The following ANKS1B variants were observed in gnomAD, a reference collection of about 807,000 sequenced individuals.
The protein encoded by ANKS1B is ankyrin repeat and sterile alpha motif domain-containing protein 1B.
ANKS1B carries 36 observed loss-of-function variants against 148.3 expected under a neutral mutation model. The observed-to-expected ratio is 0.24, with a 90% CI of 0.19 to 0.32. The LOEUF is 0.32. Among genes scored for constraint, ANKS1B ranks in the 10% least tolerant of loss-of-function variants. ANKS1B has a pLI of 1.00. For missense variants in ANKS1B, 1,157 were observed against 1,542.6 expected, an observed-to-expected ratio of 0.75 and a Z score of 4.19; for synonymous variants, 542 against 560.8, an observed-to-expected ratio of 0.97 and a Z score of 0.47.
intron 8 of ANKS1B, among the ~76,000 whole-genome samples, chr12:99,694,364 G>A (rs961203296): frequency 3.3e-5 from 5 of 151,288 alleles, no homozygotes; most frequent in East Asian, 2.0e-4. Flanking sequence ...GCTTGAACCC[G>A]GGAGGTGGAG....
intron 4 of ANKS1B, among the ~76,000 whole-genome samples, chr12:99,784,139 T>C (rs189784567): frequency 1.5e-4 from 23 of 150,976 alleles, no homozygotes; most frequent in African/African-American, 5.3e-4. Context: ...CCAAACCTCA[T>C]ACCCTATGCT....
chr12:99,922,829 T>C (rs1322282297), intron 1 of ANKS1B, among the ~76,000 whole-genome samples: 6 of 151,878 alleles, frequency 4.0e-5, no homozygotes. Flanking sequence ...ATAAAAAGAA[T>C]AAGTTCAGCC....
At chr12:99,516,002 A>G (rs1388072521) in intron 9 of ANKS1B, among the ~76,000 whole-genome samples, 1 of 151,994 alleles carries the variant, frequency 6.6e-6, no homozygotes, top group Non-Finnish European at 1.5e-5. Flanking sequence ...CCATTTTCTA[A>G]GTGGGTTATT....
intron 1 of ANKS1B, among the ~76,000 whole-genome samples, chr12:99,927,973 T>C (rs2094514755): frequency 6.6e-6 from 1 of 152,138 alleles, no homozygotes; most frequent in East Asian, 1.9e-4. Flanking sequence ...TTACCAAATA[T>C]CTTCTTGGCA....
At chr12:98,972,187 T>C (rs2099883723) in intron 17 of ANKS1B, among the ~76,000 whole-genome samples, 1 of 152,054 alleles carries the variant, frequency 6.6e-6, no homozygotes, top group African/African-American at 2.4e-5. Flanking sequence ...AACAAAAAAT[T>C]TCACAGTCGT....
intron 12 of ANKS1B, among the ~76,000 whole-genome samples, chr12:99,320,502 C>A (rs886397413): frequency 1.3e-5 from 2 of 152,172 alleles, no homozygotes; most frequent in African/African-American, 4.8e-5. Flanking sequence ...GAAGCTTGTG[C>A]ATGCATCATG....
At chr12:98,855,889 T>A (rs905665470) in intron 17 of ANKS1B, among the ~76,000 whole-genome samples, 2 of 152,222 alleles carry the variant, frequency 1.3e-5, no homozygotes, top group African/African-American at 2.4e-5. Flanking sequence ...TTGTTTGGGA[T>A]CCTTAACTAC....
intron 8 of ANKS1B, among the ~76,000 whole-genome samples, chr12:99,771,152 T>C (rs552975358): frequency 3.3e-5 from 5 of 152,258 alleles, no homozygotes; most frequent in Non-Finnish European, 7.4e-5. Context: ...GCATATAAGA[T>C]ATTCATTGGG....
At chr12:99,193,867 T>A (rs1287076343) in intron 14 of ANKS1B, among the ~76,000 whole-genome samples, 1 of 139,866 alleles carries the variant, frequency 7.1e-6, no homozygotes, top group Non-Finnish European at 1.5e-5. Flanking sequence ...AGTGGTGCGA[T>A]CTTGGTTCAC....
rs570515516 is a variant in ANKS1B at position 98,833,072 on chromosome 12, G to A, written c.2779-936C>T. Among the ~76,000 whole-genome samples the A allele has an allele frequency of 5.6e-4, 86 of 152,264 alleles. 3 individuals are homozygous for A. The South Asian group carries it at 0.017, about 30-fold the overall frequency. ...AGGATGGTATTTTGAATCTGACCAT[G>A]CTGCAAAGGGCACATGGTAGAAGAG... On this transcript the variant is annotated intron_variant, in intron 17 of 26. Transcript: ENST00000683438.
intron 17 of ANKS1B, among the ~76,000 whole-genome samples, chr12:98,975,798 G>C (rs2099894381): frequency 6.6e-6 from 1 of 152,108 alleles, no homozygotes; most frequent in Admixed American, 6.6e-5. Flanking sequence ...GAGAGAGAGA[G>C]AGAGTTGGGT....
chr12:99,339,937 A>C (rs1054793028), intron 12 of ANKS1B, among the ~76,000 whole-genome samples: 1 of 152,096 alleles, frequency 6.6e-6, no homozygotes, highest in African/African-American at 2.4e-5. Flanking sequence ...TTTGAGGGTC[A>C]CTGAAATGTT....
intron 15 of ANKS1B, among the ~76,000 whole-genome samples, chr12:99,122,132 C>A (rs2063058956): frequency 6.6e-6 from 1 of 151,922 alleles, no homozygotes; most frequent in Non-Finnish European, 1.5e-5. Context: ...AAGCCTTAGG[C>A]AAAATGGGGA....
intron 1 of ANKS1B, among the ~76,000 whole-genome samples, chr12:99,903,750 G>T (rs7132991): frequency 0.17 from 26,532 of 151,804 alleles, 2,922 homozygotes; most frequent in Non-Finnish European, 0.25. Context: ...AAAATGGGAG[G>T]GGGGGAGAGG....
At chr12:98,931,253 C>T (rs1441413062) in intron 17 of ANKS1B, among the ~76,000 whole-genome samples, 2 of 152,112 alleles carry the variant, frequency 1.3e-5, no homozygotes, top group African/African-American at 4.8e-5. Context: ...CAAACTCAGG[C>T]TATTTCAAAC....
In ANKS1B at chr12:99,741,140, TGAG is replaced by T. The variant is rs199624094; in HGVS notation, c.1128+31779_1128+31781del. Among the ~76,000 whole-genome samples the T allele has an allele frequency of 3.9e-3, 591 of 151,416 alleles. 5 individuals carry two copies. The highest frequency in any genetic ancestry group is 0.014 in the African/African-American group (558 of 41,240). ...GGAGAATCACTTGAACCAGGCAGTCTGAGGTTGCAGTGAGCCAAGATCACACCA... is the reference window on the plus strand; with the variant it reads ...GGAGAATCACTTGAACCAGGCAGTCTGTTGCAGTGAGCCAAGATCACACCA... On this transcript the variant is annotated intron_variant, in intron 8 of 26. Coordinates refer to ENST00000683438, the MANE Select transcript of ANKS1B (RefSeq NM_001352186.2).
At chr12:99,621,284 C>T (rs1348982273) in intron 9 of ANKS1B, among the ~76,000 whole-genome samples, 2 of 151,982 alleles carry the variant, frequency 1.3e-5, no homozygotes, top group African/African-American at 4.8e-5. Flanking sequence ...ATACCTGCTA[C>T]CACAAAAGCA....
chr12:98,923,478 A>T (rs2152921909), intron 17 of ANKS1B, among the ~76,000 whole-genome samples: 1 of 152,320 alleles, frequency 6.6e-6, no homozygotes, highest in East Asian at 1.9e-4. Context: ...TTTGCCTGCT[A>T]TAAAATAATT....
chr12:99,951,455 G>A (rs949391864), intron 1 of ANKS1B, among the ~76,000 whole-genome samples: 1 of 152,136 alleles, frequency 6.6e-6, no homozygotes, highest in African/African-American at 2.4e-5. Flanking sequence ...ATTCATAATT[G>A]TTCTAGAATC....
Sources: gnomAD v4.1 joint callset for allele counts (sites outside exome capture counted in the v4.1 genomes callset) on GRCh38, gnomAD v4.1.1 for gene constraint, MANE v1.5 for transcripts, NCBI Gene and HGNC (gene_info 2026-07-23, HGNC 2026-07-21) for gene names.